Variants in GALNT2 observed in about 807,000 individuals in gnomAD.
GALNT2 encodes UDP-GalNAc:polypeptide N-acetylgalactosaminyltransferase 2.
GALNT2 carries 31 observed loss-of-function variants against 81.4 expected under a neutral mutation model. The ratio of observed to expected loss-of-function variants is 0.38; its 90% CI spans 0.29 to 0.51. GALNT2 has a LOEUF of 0.51. GALNT2 is among the 20% of genes least tolerant of loss of function. GALNT2 has a pLI of 0.87. For synonymous variants in GALNT2, 303 were observed against 287.4 expected (o/e 1.05, Z -0.55); for missense variants, 629 against 765.7 (o/e 0.82, Z 2.11).
At chr1:230,138,083 T>C (rs997088253) in intron 1 of GALNT2, among the ~76,000 whole-genome samples, 2 of 152,224 alleles carry the variant, frequency 1.3e-5, no homozygotes, top group African/African-American at 4.8e-5. Flanking sequence ...GACCTCTGTC[T>C]GTGGCCTCTT....
chr1:230,264,627 C>T (rs1358628493), intron 13 of GALNT2: 1 of 152,312 alleles, frequency 6.6e-6, no homozygotes, highest in Non-Finnish European at 1.5e-5. Flanking sequence ...GTGCTTTACA[C>T]GAAATGTTCT....
At chr1:230,123,351 A>C in intron 1 of GALNT2, among the ~76,000 whole-genome samples, 1 of 152,202 alleles carries the variant, frequency 6.6e-6, no homozygotes, top group East Asian at 1.9e-4. Flanking sequence ...CCAACCCGTT[A>C]GGGGAGTTCC....
intron 3 of GALNT2, among the ~76,000 whole-genome samples, chr1:230,220,803 A>G (rs186256903): frequency 2.1e-4 from 32 of 152,238 alleles, no homozygotes; most frequent in African/African-American, 7.7e-4. Flanking sequence ...GATGCTAATG[A>G]TCTGCCTTCT....
At chr1:230,107,610 T>TGTGTGTGTGTGTGTGTG (rs1660578332) in intron 1 of GALNT2, among the ~76,000 whole-genome samples, 8 of 141,116 alleles carry the variant, frequency 5.7e-5, no homozygotes, top group Non-Finnish European at 1.2e-4. Context: ...CTCATGGACT[T>TGTGTGTGTGTGTGTGTG]TGTGTGTGTG....
chr1:230,178,285 C>A lies in GALNT2; in HGVS notation c.194C>A (p.Ala65Glu). Residue 65 changes from alanine to glutamate, a missense_variant, in exon 2 of 16, where the codon GCA (alanine) becomes GAA (glutamate). Transcript: ENST00000366672. Reference sequence around the variant, plus strand: ...CATCACAGCAATGGAGAAGAGAAAGCACAAAGCATGGAGACCCTCCCTCCA... The same window carrying A: ...CATCACAGCAATGGAGAAGAGAAAGAACAAAGCATGGAGACCCTCCCTCCA... ...DLHHSNGEEK[A>E]QSMETLPPGK... is the part of the protein sequence containing the mutation. The A allele has an allele frequency of 6.2e-7, 1 of 1,614,010 alleles. No individual in the cohort carries two copies. The highest frequency in any genetic ancestry group is 2.2e-5 in the East Asian group (1 of 44,866).
chr1:230,167,865 C>A (rs11122453), intron 1 of GALNT2, among the ~76,000 whole-genome samples: 69,100 of 152,132 alleles, frequency 0.45, 18,861 homozygotes, highest in Non-Finnish European at 0.61. Flanking sequence ...TCTCTCCTCC[C>A]ACCTTTTTTT....
In GALNT2 at chr1:230,119,454, C is replaced by G. The variant is rs148577263; in HGVS notation, c.126+52048C>G. 4.5e-3 allele frequency among the ~76,000 whole-genome samples: 686 copies of G among 152,272 alleles called. 5 individuals carry two copies. The highest frequency in any genetic ancestry group is 0.025 in the South Asian group (123 of 4,826). Reference sequence around the variant, plus strand: ...TCTTTGAGGGATGGGCGAGGCTGCTCGCCACGTGGGGTCTGTGCTGCACTC... The same window carrying G: ...TCTTTGAGGGATGGGCGAGGCTGCTGGCCACGTGGGGTCTGTGCTGCACTC... On this transcript the variant is annotated intron_variant, in intron 1 of 15. Transcript: ENST00000366672.
chr1:230,250,251 AC>A (rs1167364561), intron 9 of GALNT2, among the ~76,000 whole-genome samples: 2 of 152,208 alleles, frequency 1.3e-5, no homozygotes, highest in Non-Finnish European at 2.9e-5. Context: ...CCAGGCAGGG[AC>A]AGTGGGGGAG....
chr1:230,062,744 C>T (rs1659078247), upstream of GALNT2, among the ~76,000 whole-genome samples: 1 of 152,114 alleles, frequency 6.6e-6, no homozygotes, highest in African/African-American at 2.4e-5. Flanking sequence ...CCACATTCTG[C>T]TTGTCCATTT....
intron 1 of GALNT2, among the ~76,000 whole-genome samples, chr1:230,093,412 T>A (rs910697010): frequency 7.2e-5 from 1 of 13,846 alleles, no homozygotes; most frequent in Admixed American, 5.0e-4. Context: ...AGATCACAGT[T>A]GTGTAAAGGC....
intron 1 of GALNT2, among the ~76,000 whole-genome samples, chr1:230,151,619 G>A (rs985192427): frequency 2.6e-5 from 4 of 152,128 alleles, no homozygotes; most frequent in South Asian, 4.1e-4. Context: ...TGCCCACCAC[G>A]TAAGCTAAGG....
chr1:230,121,977 G>C (rs1268927466), intron 1 of GALNT2, among the ~76,000 whole-genome samples: 1 of 128,408 alleles, frequency 7.8e-6, no homozygotes, highest in African/African-American at 2.9e-5. Flanking sequence ...TCAAGGGACA[G>C]GGTCTTACTC....
chr1:230,088,889 T>G (rs1399816466), intron 1 of GALNT2, among the ~76,000 whole-genome samples: 1 of 152,120 alleles, frequency 6.6e-6, no homozygotes, highest in East Asian at 1.9e-4. Flanking sequence ...CTATGCCCAT[T>G]AAGCAGTTGT....
At chr1:230,189,719 A>C (rs1268505823) in intron 2 of GALNT2, among the ~76,000 whole-genome samples, 1 of 152,202 alleles carries the variant, frequency 6.6e-6, no homozygotes, top group Non-Finnish European at 1.5e-5. Context: ...CATTAAGCGC[A>C]TTCACAGTGT....
At chr1:230,230,418 G>A (rs1456748519) in intron 3 of GALNT2, among the ~76,000 whole-genome samples, 2 of 152,184 alleles carry the variant, frequency 1.3e-5, no homozygotes, top group African/African-American at 2.4e-5. Flanking sequence ...GTTTTTCCAC[G>A]GGAACCTGAG....
At chr1:230,131,119 C>T (rs946791899) in intron 1 of GALNT2, among the ~76,000 whole-genome samples, 4 of 152,028 alleles carry the variant, frequency 2.6e-5, no homozygotes, top group Non-Finnish European at 4.4e-5. Flanking sequence ...AGGCACAAAA[C>T]GTTTGTTTTT....
chr1:230,130,481 C>G (rs566201379), intron 1 of GALNT2, among the ~76,000 whole-genome samples: 1 of 152,194 alleles, frequency 6.6e-6, no homozygotes, highest in African/African-American at 2.4e-5. Context: ...TGTTTACCCC[C>G]ACTGTTGGAT....
upstream of GALNT2, among the ~76,000 whole-genome samples, chr1:230,062,466 T>A (rs1288878945): frequency 6.6e-6 from 1 of 152,174 alleles, no homozygotes; most frequent in Non-Finnish European, 1.5e-5. Flanking sequence ...AATGTTATCA[T>A]CTCAAACCGA....
chr1:230,226,717 G>A (rs1228716982), intron 3 of GALNT2, among the ~76,000 whole-genome samples: 2 of 152,150 alleles, frequency 1.3e-5, no homozygotes, highest in Non-Finnish European at 2.9e-5. Flanking sequence ...TCGCACCCGC[G>A]GACATTTCTC....
Sources: allele counts gnomAD v4.1 joint callset (sites outside exome capture counted in the v4.1 genomes callset), GRCh38; gene constraint gnomAD v4.1.1; transcripts MANE v1.5; gene names NCBI Gene and HGNC (gene_info 2026-07-23, HGNC 2026-07-21).